EYA2: variants seen among roughly 807,000 people sequenced by gnomAD.
The protein encoded by EYA2 is protein phosphatase EYA2.
EYA2 carries 31 observed loss-of-function variants against 69.2 expected under a neutral mutation model. The ratio of observed to expected loss-of-function variants is 0.45; its 90% CI spans 0.34 to 0.60. The LOEUF is 0.60. Ranked by LOEUF, EYA2 falls within the 20% of genes least tolerant of loss-of-function variation. The pLI, the probability that EYA2 is intolerant of heterozygous loss-of-function variation, is 0.02. For missense variants in EYA2, 622 were observed against 701.2 expected, an observed-to-expected ratio of 0.89 and a Z score of 1.28; for synonymous variants, 257 against 279.4, an observed-to-expected ratio of 0.92 and a Z score of 0.80.
intron 9 of EYA2, among the ~76,000 whole-genome samples, chr20:47,130,256 A>ATTTTTTTTTTTTTTTTTTTT (rs1392782309): frequency 1.4e-5 from 1 of 69,782 alleles, no homozygotes; most frequent in African/African-American, 7.7e-5. Flanking sequence ...AAGAAGGTTT[A>ATTTTTTTTTTTTTTTTTTTT]TTTTCTTTTT....
At chr20:46,952,938 G>C (rs1978893642) in intron 1 of EYA2, among the ~76,000 whole-genome samples, 1 of 152,204 alleles carries the variant, frequency 6.6e-6, no homozygotes, top group Non-Finnish European at 1.5e-5. Context: ...CTAAACACAT[G>C]AAAAATGAGA....
chr20:46,925,980 A>G (rs1308532547), intron 1 of EYA2, among the ~76,000 whole-genome samples: 1 of 152,220 alleles, frequency 6.6e-6, no homozygotes, highest in East Asian at 1.9e-4. Context: ...TGCAGCTGTA[A>G]AACAAAATGA....
At chr20:47,066,176 C>T (rs927494984) in intron 5 of EYA2, among the ~76,000 whole-genome samples, 2 of 152,018 alleles carry the variant, frequency 1.3e-5, no homozygotes, top group African/African-American at 4.8e-5. Flanking sequence ...TCCATCTCTA[C>T]AAAAAATTAG....
At chr20:46,937,059 G>A (rs549601351) in intron 1 of EYA2, among the ~76,000 whole-genome samples, 2 of 152,232 alleles carry the variant, frequency 1.3e-5, no homozygotes, top group South Asian at 4.1e-4. Context: ...GCCCTGTGAA[G>A]AAAGAGACAA....
rs935505816 is a variant in EYA2 at position 47,044,487 on chromosome 20, G to A, written c.416-27698G>A. ...TACATTGTATTGTAGGGTGAGAAAC[G>A]CTATGAATGAGGAACAAAGTAGAGT... On this transcript the variant is annotated intron_variant, in intron 5 of 15. Transcript: ENST00000327619. Among the ~76,000 whole-genome samples, 20 of 152,128 alleles carry A rather than the reference G, an allele frequency of 1.3e-4. No homozygotes were observed. The East Asian group carries it at 2.5e-3, about 19-fold the overall frequency.
At chr20:47,001,378 A>C in intron 2 of EYA2, 50 bp from the exon 3 acceptor site, 1 of 1,556,866 alleles carries the variant, frequency 6.4e-7, no homozygotes, top group Non-Finnish European at 8.9e-7. Context: ...CCTCTGCAGA[A>C]CATCACCCTA....
At chr20:47,088,411 T>C (rs1045432990) in intron 7 of EYA2, among the ~76,000 whole-genome samples, 5 of 152,096 alleles carry the variant, frequency 3.3e-5, no homozygotes, top group African/African-American at 7.2e-5. Flanking sequence ...CCTCCTTCTG[T>C]TCATCTAGGC....
intron 1 of EYA2, among the ~76,000 whole-genome samples, chr20:46,911,231 TTGTGTGTGTGTG>T (rs140564632): frequency 6.7e-6 from 1 of 148,236 alleles, no homozygotes; most frequent in Non-Finnish European, 1.5e-5. Flanking sequence ...GCTGGATAAT[TTGTGTGTGTGTG>T]TGTGTGTGTG....
chr20:47,148,879 G>A (rs1323387258), intron 10 of EYA2, among the ~76,000 whole-genome samples: 4 of 152,122 alleles, frequency 2.6e-5, no homozygotes, highest in Non-Finnish European at 4.4e-5. Flanking sequence ...TGCCACTGTC[G>A]AGTCAGAGCT....
intron 1 of EYA2, among the ~76,000 whole-genome samples, chr20:46,898,514 A>G (rs912788393): frequency 4.0e-5 from 6 of 151,748 alleles, no homozygotes; most frequent in East Asian, 1.9e-4. Flanking sequence ...TCTCCCCACT[A>G]TCATTTGTGG....
intron 5 of EYA2, among the ~76,000 whole-genome samples, chr20:47,018,003 C>G (rs1049568043): frequency 6.6e-6 from 1 of 152,186 alleles, no homozygotes; most frequent in African/African-American, 2.4e-5. Flanking sequence ...TGTCCCCAGT[C>G]GGGCCTTTCT....
At position 47,029,001 on chromosome 20, in the gene EYA2, G is replaced by A. The variant is rs905912298; in HGVS notation, c.415+12704G>A. 4.6e-5 allele frequency among the ~76,000 whole-genome samples: 7 copies of A among 152,142 alleles called. No individual in the cohort carries two copies. In the East Asian group the frequency reaches 1.2e-3, roughly 25 times the overall value. On this transcript the variant is annotated intron_variant, in intron 5 of 15. Coordinates refer to ENST00000327619, the MANE Select transcript of EYA2 (RefSeq NM_005244.5). ...CCAATTAAAAAGACTTAAATTGGTA[G>A]CAACAAATTTTTAAAATAAAATAAA...
At chr20:47,105,937 C>A (rs903800268) in intron 9 of EYA2, among the ~76,000 whole-genome samples, 1 of 152,112 alleles carries the variant, frequency 6.6e-6, no homozygotes, top group Non-Finnish European at 1.5e-5. Flanking sequence ...TACTGCCCTG[C>A]GTTATTGTGC....
intron 15 of EYA2, among the ~76,000 whole-genome samples, chr20:47,185,415 C>T (rs2034620882): frequency 6.7e-6 from 1 of 150,328 alleles, no homozygotes; most frequent in South Asian, 2.1e-4. Context: ...ATTCTTGTGC[C>T]TCAGCCTCCT....
intron 1 of EYA2, among the ~76,000 whole-genome samples, chr20:46,965,015 T>G (rs1180578934): frequency 6.6e-6 from 1 of 152,158 alleles, no homozygotes. Flanking sequence ...ACGCCCAACT[T>G]GTAGAGTTGG....
At chr20:46,933,065 ACTGTCT>A in intron 1 of EYA2, among the ~76,000 whole-genome samples, 1 of 152,150 alleles carries the variant, frequency 6.6e-6, no homozygotes, top group East Asian at 1.9e-4. Context: ...TTTATAAATT[ACTGTCT>A]CAGGTATATC....
At chr20:47,066,591 T>G (rs187410004) in intron 5 of EYA2, among the ~76,000 whole-genome samples, 210 of 152,244 alleles carry the variant, frequency 1.4e-3, no homozygotes, top group Middle Eastern at 6.8e-3. Flanking sequence ...ATGGCCCCAT[T>G]CCATGGAGAA....
intron 1 of EYA2, among the ~76,000 whole-genome samples, chr20:46,960,935 G>A (rs979822989): frequency 1.9e-4 from 29 of 152,220 alleles, no homozygotes; most frequent in Non-Finnish European, 5.9e-5. Context: ...AAAGCAAGCC[G>A]GCATCCCAGG....
chr20:46,927,789 C>T (rs1985481845), intron 1 of EYA2, among the ~76,000 whole-genome samples: 1 of 152,124 alleles, frequency 6.6e-6, no homozygotes, highest in Non-Finnish European at 1.5e-5. Context: ...TCTTACTAAA[C>T]GTGTGACCTT....
Sources: allele counts gnomAD v4.1 joint callset (sites outside exome capture counted in the v4.1 genomes callset), GRCh38; gene constraint gnomAD v4.1.1; transcripts MANE v1.5; gene names NCBI Gene and HGNC (gene_info 2026-07-23, HGNC 2026-07-21).